ELFN1: variants seen among roughly 807,000 people sequenced by gnomAD.
ELFN1 encodes protein ELFN1.
In ELFN1, 6 loss-of-function variants were observed where a neutral mutation model predicts 7.6. The ratio of observed to expected loss-of-function variants is 0.79; its 90% CI spans 0.43 to 1.56. The LOEUF is 1.56. Ranked by LOEUF, ELFN1 falls within the 40% of genes most tolerant of loss-of-function variation. The pLI is 0.01. For synonymous variants in ELFN1, 657 were observed against 588.1 expected, an observed-to-expected ratio of 1.12 and a Z score of -1.70; for missense variants, 1,169 against 1,232.2, an observed-to-expected ratio of 0.95 and a Z score of 0.77.
At chr7:1,678,322 AC>A (rs1290164996) in intron 1 of ELFN1, among the ~76,000 whole-genome samples, 1 of 152,162 alleles carries the variant, frequency 6.6e-6, no homozygotes, top group Non-Finnish European at 1.5e-5. Flanking sequence ...CACCCAGGGC[AC>A]CTGAGCCTCA....
At chr7:1,700,740 G>C (rs1401994486) in intron 2 of ELFN1, among the ~76,000 whole-genome samples, 3 of 152,190 alleles carry the variant, frequency 2.0e-5, no homozygotes, top group Non-Finnish European at 4.4e-5. Context: ...GAGAGTTCCC[G>C]TTGCTCCACA....
At chr7:1,732,125 T>TG (rs1197511344) in intron 3 of ELFN1, among the ~76,000 whole-genome samples, 2 of 152,116 alleles carry the variant, frequency 1.3e-5, no homozygotes, top group South Asian at 4.2e-4. Context: ...CCTGGCAGCG[T>TG]GGGGTCACAG....
chr7:1,731,416 G>C (rs541321092), intron 3 of ELFN1, among the ~76,000 whole-genome samples: 117 of 152,324 alleles, frequency 7.7e-4, no homozygotes, highest in African/African-American at 2.8e-3. Context: ...TATGGTGATT[G>C]ATATTGTGCT....
upstream of ELFN1, among the ~76,000 whole-genome samples, chr7:1,667,826 C>G (rs908042871): frequency 6.6e-6 from 1 of 152,164 alleles, no homozygotes; most frequent in Non-Finnish European, 1.5e-5. This position sits in a 1 kb window ranked among gnomAD's most constrained non-coding sequence, Gnocchi z 8.2. Context: ...CGTTGGGCCC[C>G]GGACAGATGT....
intron 3 of ELFN1, among the ~76,000 whole-genome samples, chr7:1,724,184 G>A (rs918462446): frequency 6.6e-6 from 1 of 152,224 alleles, no homozygotes; most frequent in Non-Finnish European, 1.5e-5. Context: ...AGAGTTTCTA[G>A]CACAGTGCCT....
chr7:1,679,179 GCACA>G (rs368107431), intron 1 of ELFN1, among the ~76,000 whole-genome samples: 14 of 150,294 alleles, frequency 9.3e-5, no homozygotes, highest in African/African-American at 2.7e-4. Context: ...ACGTACGCGC[GCACA>G]CACACACACA....
At chr7:1,704,885 T>C (rs1408038147) in intron 2 of ELFN1, among the ~76,000 whole-genome samples, 3 of 152,014 alleles carry the variant, frequency 2.0e-5, no homozygotes, top group Non-Finnish European at 4.4e-5. Flanking sequence ...CGAGGTCAGC[T>C]TAGAGCCTCA....
intron 3 of ELFN1, among the ~76,000 whole-genome samples, chr7:1,721,280 G>A (rs1302994563): frequency 6.6e-6 from 1 of 152,212 alleles, no homozygotes; most frequent in African/African-American, 2.4e-5. Context: ...AGCTACAGGG[G>A]TGTCACCTTG....
upstream of ELFN1, among the ~76,000 whole-genome samples, chr7:1,667,457 G>T (rs1279212939): frequency 3.3e-5 from 5 of 152,164 alleles, no homozygotes; most frequent in African/African-American, 1.2e-4. This position sits in a 1 kb window ranked among gnomAD's most constrained non-coding sequence, Gnocchi z 8.2. Context: ...AGCTCGGGCG[G>T]CGTGTGCAGG....
chr7:1,723,523 C>T (rs1432753012), intron 3 of ELFN1, among the ~76,000 whole-genome samples: 1 of 152,220 alleles, frequency 6.6e-6, no homozygotes, highest in Non-Finnish European at 1.5e-5. Context: ...GCATAGTACT[C>T]CATCGGGCCC....
intron 2 of ELFN1, among the ~76,000 whole-genome samples, chr7:1,696,175 A>AGAGT (rs1554248862): frequency 3.2e-4 from 48 of 148,088 alleles, no homozygotes; most frequent in African/African-American, 1.2e-3. Context: ...AGAGAGAGAG[A>AGAGT]GTGTGTGTGT....
chr7:1,679,163 G>A (rs181380593), intron 1 of ELFN1, among the ~76,000 whole-genome samples: 1 of 149,608 alleles, frequency 6.7e-6, no homozygotes, highest in East Asian at 1.9e-4. Flanking sequence ...ACACACGCGT[G>A]CACACACGTA....
At chr7:1,674,223 C>T (rs1159179969) in intron 1 of ELFN1, among the ~76,000 whole-genome samples, 1 of 152,160 alleles carries the variant, frequency 6.6e-6, no homozygotes, top group Admixed American at 6.5e-5. Context: ...TCCTCCGCTC[C>T]CTGCTCCGGG....
At chr7:1,706,967 T>C (rs1455583851) in intron 2 of ELFN1, among the ~76,000 whole-genome samples, 1 of 152,086 alleles carries the variant, frequency 6.6e-6, no homozygotes, top group African/African-American at 2.4e-5. Context: ...TGCCTCTGTG[T>C]GCGCATGCAT....
chr7:1,729,802 T>C (rs1452878519), intron 3 of ELFN1, among the ~76,000 whole-genome samples: 1 of 152,238 alleles, frequency 6.6e-6, no homozygotes. Flanking sequence ...TTTTCTCCTA[T>C]GTTAGAACAG....
chr7:1,713,291 C>T (rs761007513), intron 3 of ELFN1, among the ~76,000 whole-genome samples: 43 of 152,210 alleles, frequency 2.8e-4, no homozygotes, highest in Admixed American at 5.9e-4. Context: ...CTTCCCAGCC[C>T]GGCCCACCTC....
chr7:1,717,462 T>C (rs1357470051), intron 3 of ELFN1, among the ~76,000 whole-genome samples: 1 of 152,136 alleles, frequency 6.6e-6, no homozygotes, highest in Non-Finnish European at 1.5e-5. Flanking sequence ...AGGTAGGCAG[T>C]GTGTCCAGTC....
upstream of ELFN1, among the ~76,000 whole-genome samples, chr7:1,667,930 C>T (rs1347872847): frequency 8.1e-6 from 1 of 122,856 alleles, no homozygotes; most frequent in African/African-American, 3.1e-5. The surrounding 1 kb of genome is among the most constrained non-coding windows in gnomAD (Gnocchi z 8.2). Context: ...TCCGGGGACT[C>T]GGTCGCAGCC....
intron 2 of ELFN1, among the ~76,000 whole-genome samples, chr7:1,707,033 G>T (rs1779546830): frequency 6.6e-6 from 1 of 151,962 alleles, no homozygotes. Context: ...ACACATGTGT[G>T]CACGCACATA....
Sources: gnomAD v4.1 joint callset for allele counts (sites outside exome capture counted in the v4.1 genomes callset) on GRCh38, gnomAD v4.1.1 for gene constraint, Gnocchi (gnomAD v3.1) non-coding constraint, MANE v1.5 for transcripts, NCBI Gene and HGNC (gene_info 2026-07-23, HGNC 2026-07-21) for gene names.